The following TLN2 variants were observed in gnomAD, a reference collection of about 807,000 sequenced individuals.
TLN2 encodes the protein talin-2.
In TLN2, 118 loss-of-function variants were observed where a neutral mutation model predicts 294.7. The observed-to-expected ratio is 0.40, with a 90% confidence interval of 0.34 to 0.47. TLN2 has a LOEUF of 0.47. Ranked by LOEUF, TLN2 falls within the 20% of genes least tolerant of loss-of-function variation. The pLI, the probability that TLN2 is intolerant of heterozygous loss-of-function variation, is 0.84. For synonymous variants in TLN2, 1,431 were observed against 1,304.5 expected (o/e 1.10, Z -2.09); for missense variants, 3,083 against 3,282.2 (o/e 0.94, Z 1.48).
rs764327275 is a variant in TLN2 at position 62,740,609 on chromosome 15, C to T, written c.3886-21C>T. Reference sequence around the variant, plus strand: ...AGAAATGGACAGGCCCTAATAGCTCCGGCTCCTTTTGACCTTCCAGACAAA... The same window carrying T: ...AGAAATGGACAGGCCCTAATAGCTCTGGCTCCTTTTGACCTTCCAGACAAA... On this transcript the variant is annotated intron_variant, in intron 31 of 58. Coordinates refer to ENST00000636159, the MANE Select transcript of TLN2 (RefSeq NM_015059.3). 6.2e-6 allele frequency: 10 copies of T among 1,613,716 alleles called. No individual in the cohort carries two copies. In the African/African-American group the frequency reaches 6.7e-5, roughly 11 times the overall value.
At chr15:62,530,359 C>T (rs946938018) in intron 1 of TLN2, among the ~76,000 whole-genome samples, 1 of 151,950 alleles carries the variant, frequency 6.6e-6, no homozygotes, top group African/African-American at 2.4e-5. Flanking sequence ...TGTATTCATT[C>T]ATTCATTCAT....
chr15:62,625,131 C>A (rs2049166368), intron 3 of TLN2, among the ~76,000 whole-genome samples: 1 of 152,194 alleles, frequency 6.6e-6, no homozygotes, highest in African/African-American at 2.4e-5. Context: ...GAGGACCCAT[C>A]TGCAAATGTT....
intron 9 of TLN2, among the ~76,000 whole-genome samples, chr15:62,669,133 C>T (rs1173802487): frequency 6.6e-6 from 1 of 152,132 alleles, no homozygotes; most frequent in African/African-American, 2.4e-5. Flanking sequence ...TTTAGATTTC[C>T]ATGATTTTTT....
At chr15:62,732,620 T>G (rs537922916) in intron 28 of TLN2, among the ~76,000 whole-genome samples, 27 of 152,308 alleles carry the variant, frequency 1.8e-4, no homozygotes, top group African/African-American at 6.5e-4. Context: ...CTCCTGTGTG[T>G]AGAATGGATT....
intron 52 of TLN2, among the ~76,000 whole-genome samples, chr15:62,814,863 A>T (rs2066971455): frequency 6.6e-6 from 1 of 152,212 alleles, no homozygotes; most frequent in African/African-American, 2.4e-5. Flanking sequence ...TAAAATAAGG[A>T]TAAGAAAGAG....
chr15:62,487,141 A>G (rs2038442099), intron 1 of TLN2, among the ~76,000 whole-genome samples: 1 of 152,212 alleles, frequency 6.6e-6, no homozygotes, highest in African/African-American at 2.4e-5. Context: ...AGTTCTGTCA[A>G]TGCTGAAGAT....
chr15:62,825,187 C>G (rs971314614), intron 54 of TLN2, among the ~76,000 whole-genome samples: 1 of 152,190 alleles, frequency 6.6e-6, no homozygotes, highest in African/African-American at 2.4e-5. Context: ...TTTCAAGATG[C>G]TGCCCCAATC....
chr15:62,484,550 C>G (rs763227059), intron 1 of TLN2, among the ~76,000 whole-genome samples: 1 of 152,096 alleles, frequency 6.6e-6, no homozygotes, highest in Non-Finnish European at 1.5e-5. Context: ...CTCAGCCTCC[C>G]CAAGTAGCTG....
At chr15:62,593,878 A>G (rs1475994375) in intron 2 of TLN2, among the ~76,000 whole-genome samples, 6 of 152,244 alleles carry the variant, frequency 3.9e-5, no homozygotes, top group African/African-American at 1.4e-4. Flanking sequence ...AAAGCCTGAT[A>G]AACGTTGAGG....
At chr15:62,555,551 G>A (rs559436373) in intron 1 of TLN2, among the ~76,000 whole-genome samples, 3 of 152,266 alleles carry the variant, frequency 2.0e-5, no homozygotes, top group African/African-American at 7.2e-5. Flanking sequence ...CCACACCTGT[G>A]AACTTTTCTT....
At chr15:62,500,888 T>G (rs1567035026) in intron 1 of TLN2, among the ~76,000 whole-genome samples, 1 of 152,244 alleles carries the variant, frequency 6.6e-6, no homozygotes, top group Admixed American at 6.5e-5. Flanking sequence ...AGGCTGCTCT[T>G]GGCCATCTTT....
intron 1 of TLN2, among the ~76,000 whole-genome samples, chr15:62,585,377 A>G (rs781522802): frequency 2.0e-5 from 3 of 152,190 alleles, no homozygotes; most frequent in Non-Finnish European, 4.4e-5. Flanking sequence ...AACTTCACGT[A>G]TGCTCTCTCA....
In TLN2 at chr15:62,582,195, T is replaced by TACACACACACACACACACACACACAC. The variant is rs67748452; in HGVS notation, c.-237-7464_-237-7439dup. 6.8e-4 allele frequency among the ~76,000 whole-genome samples: 45 copies of TACACACACACACACACACACACACAC among 66,490 alleles called. 3 individuals are homozygous for TACACACACACACACACACACACACAC. Among genetic ancestry groups the TACACACACACACACACACACACACAC allele is most frequent in the East Asian group, 2.5e-3 (3 of 1,190 alleles). 43.6% of individuals were successfully genotyped at this position (66,490 alleles called of 152,430 possible). ...CATAACTTCAGTGCATGTGTATGCA[T>TACACACACACACACACACACACACAC]ACACACACACACACACACACACACA... On this transcript the variant is annotated intron_variant, in intron 1 of 58. Coordinates refer to ENST00000636159, the MANE Select transcript of TLN2 (RefSeq NM_015059.3).
chr15:62,724,323 AAG>A (rs1174289972), intron 26 of TLN2, among the ~76,000 whole-genome samples: 1 of 152,204 alleles, frequency 6.6e-6, no homozygotes, highest in Non-Finnish European at 1.5e-5. Flanking sequence ...TAAAAATGGA[AAG>A]AAATGAAAAT....
rs1056605025 is a variant in TLN2, at chr15:62,635,561, A to G, written c.-36-11714A>G. Among the ~76,000 whole-genome samples, 6 of 152,188 alleles carry G rather than the reference A, an allele frequency of 3.9e-5. No homozygotes were observed. In the East Asian group the frequency reaches 5.8e-4, roughly 15 times the overall value. On this transcript the variant is annotated intron_variant, in intron 3 of 58. Coordinates refer to ENST00000636159, the MANE Select transcript of TLN2 (RefSeq NM_015059.3). ...TACATATTGGAAGGAAATGTGTCCA[A>G]ATGTTAGTGGTATTTATCTTTGAGT... is the stretch of plus-strand genomic sequence containing the variant.
At chr15:62,760,630 C>G (rs1280749673) in intron 37 of TLN2, among the ~76,000 whole-genome samples, 2 of 151,984 alleles carry the variant, frequency 1.3e-5, no homozygotes, top group African/African-American at 4.8e-5. Flanking sequence ...CAGTCTTGAT[C>G]CTGAGGAGGT....
intron 52 of TLN2, among the ~76,000 whole-genome samples, chr15:62,816,276 C>T (rs1310946986): frequency 2.6e-5 from 4 of 152,180 alleles, no homozygotes; most frequent in South Asian, 4.1e-4. Context: ...GCTGTTTGCT[C>T]GTTTATCATA....
chr15:62,492,087 T>C (rs1338222617), intron 1 of TLN2, among the ~76,000 whole-genome samples: 1 of 152,050 alleles, frequency 6.6e-6, no homozygotes, highest in Non-Finnish European at 1.5e-5. Flanking sequence ...CAGATGTATT[T>C]TGATAACTTA....
intron 1 of TLN2, among the ~76,000 whole-genome samples, chr15:62,554,593 T>G (rs1368054762): frequency 6.6e-6 from 1 of 151,958 alleles, no homozygotes; most frequent in Non-Finnish European, 1.5e-5. Context: ...GGTTTAGGAT[T>G]ACCTGTTTAC....
Sources: allele counts gnomAD v4.1 joint callset (sites outside exome capture counted in the v4.1 genomes callset), GRCh38; gene constraint gnomAD v4.1.1; transcripts MANE v1.5; gene names NCBI Gene and HGNC (gene_info 2026-07-23, HGNC 2026-07-21).